PKHD1: variants seen among roughly 807,000 people sequenced by gnomAD.
The protein encoded by PKHD1 is PKHD1 ciliary IPT domain containing fibrocystin/polyductin, also known as fibrocystin.
Under a neutral mutation model 412.0 loss-of-function variants are expected in PKHD1, and 291 were observed. The observed-to-expected ratio is 0.71, with a 90% confidence interval of 0.64 to 0.78. The LOEUF is 0.78. Ranked by LOEUF, PKHD1 falls within the 30% of genes least tolerant of loss-of-function variation. The probability of loss-of-function intolerance (pLI) is 0.00; values close to 1 mark genes in which losing one functional copy is unlikely to be tolerated. For missense variants in PKHD1, 4,825 were observed against 4,950.7 expected (o/e 0.97, Z 0.76); for synonymous variants, 1,777 against 1,821.5 (o/e 0.98, Z 0.62).
chr6:51,832,797 A>T (rs1285798434), intron 51 of PKHD1, among the ~76,000 whole-genome samples: 2 of 152,144 alleles, frequency 1.3e-5, no homozygotes, highest in African/African-American at 4.8e-5. Context: ...TTTTTCTACC[A>T]GACCCAATTC....
intron 37 of PKHD1, among the ~76,000 whole-genome samples, chr6:51,916,134 C>A (rs1783770668): frequency 1.3e-5 from 2 of 152,116 alleles, no homozygotes; most frequent in Admixed American, 6.6e-5. Flanking sequence ...CCTCATGTCT[C>A]CTTTATATAT....
chr6:51,712,006 A>G (rs1780717773), intron 60 of PKHD1, among the ~76,000 whole-genome samples: 1 of 152,210 alleles, frequency 6.6e-6, no homozygotes, highest in Non-Finnish European at 1.5e-5. Flanking sequence ...CAGAGATTGC[A>G]CCACATTATG....
intron 55 of PKHD1, among the ~76,000 whole-genome samples, chr6:51,761,794 G>A (rs1057196584): frequency 6.6e-6 from 1 of 151,928 alleles, no homozygotes; most frequent in Non-Finnish European, 1.5e-5. Context: ...GAGACTGGAT[G>A]TCTTATATAT....
At chr6:52,051,582 C>T (rs1197160439) in intron 21 of PKHD1, among the ~76,000 whole-genome samples, 1 of 152,158 alleles carries the variant, frequency 6.6e-6, no homozygotes, top group Non-Finnish European at 1.5e-5. Flanking sequence ...CTCACCTCAC[C>T]CCTGGATGAT....
intron 13 of PKHD1, among the ~76,000 whole-genome samples, chr6:52,064,429 G>A (rs1158943928): frequency 2.0e-5 from 3 of 152,162 alleles, no homozygotes; most frequent in African/African-American, 7.2e-5. Flanking sequence ...CCCACTTCAG[G>A]CATAACCTGG....
At chr6:51,848,234 T>A (rs1771568817) in intron 49 of PKHD1, among the ~76,000 whole-genome samples, 1 of 152,102 alleles carries the variant, frequency 6.6e-6, no homozygotes, top group South Asian at 2.1e-4. Context: ...TTTAACAATC[T>A]CAATTACCAG....
intron 60 of PKHD1, among the ~76,000 whole-genome samples, chr6:51,712,752 C>T (rs1168327301): frequency 6.6e-6 from 1 of 152,184 alleles, no homozygotes; most frequent in Non-Finnish European, 1.5e-5. Context: ...AGCAAATTGA[C>T]TTCACATCTC....
At chr6:51,648,214 A>G (rs1770382524) in intron 62 of PKHD1, 96 bp from the exon 63 acceptor site, 8 of 750,834 alleles carry the variant, frequency 1.1e-5, no homozygotes, top group Non-Finnish European at 1.7e-5. Flanking sequence ...TTGCTTTTAT[A>G]AAGCATATAT....
intron 43 of PKHD1, among the ~76,000 whole-genome samples, chr6:51,895,827 A>C (rs1779838857): frequency 6.6e-6 from 1 of 152,068 alleles, no homozygotes; most frequent in African/African-American, 2.4e-5. Flanking sequence ...GCACAAGCCG[A>C]AGCAGGGTGA....
intron 35 of PKHD1, among the ~76,000 whole-genome samples, chr6:51,988,503 T>C (rs1025567855): frequency 6.6e-5 from 10 of 152,146 alleles, no homozygotes; most frequent in Non-Finnish European, 8.8e-5. Context: ...TAAACAATCC[T>C]AAGGAAATTT....
chr6:51,698,926 C>T (rs1327976532), intron 60 of PKHD1, among the ~76,000 whole-genome samples: 1 of 152,156 alleles, frequency 6.6e-6, no homozygotes, highest in Admixed American at 6.6e-5. Context: ...AAAAATTATA[C>T]TGTAGCTGAC....
chr6:51,764,243 A>C (rs1205658909), intron 55 of PKHD1, among the ~76,000 whole-genome samples: 1 of 150,208 alleles, frequency 6.7e-6, no homozygotes, highest in Non-Finnish European at 1.5e-5. Context: ...CCAATCAAAA[A>C]GTGGGCGAAA....
chr6:51,860,622 T>TTC (rs1352149698), intron 48 of PKHD1, among the ~76,000 whole-genome samples: 1 of 152,146 alleles, frequency 6.6e-6, no homozygotes, highest in Non-Finnish European at 1.5e-5. Flanking sequence ...CTCCCTGAAC[T>TTC]TCTCATGGCT....
chr6:51,619,231 T>C lies in PKHD1; in HGVS notation c.12075A>G (p.Arg4025=). Residue 4025 remains arginine (R), a synonymous_variant, in exon 67 of 67, where the codon AGA becomes AGG. Coordinates refer to ENST00000371117, the MANE Select transcript of PKHD1 (RefSeq NM_138694.4). Reference sequence around the variant, plus strand: ...GCCCTGGCAACTGCTGCCTCTCTTGTCTGAAGTCTGGGCATAGCAGCAGCA... The same window carrying C: ...GCCCTGGCAACTGCTGCCTCTCTTGCCTGAAGTCTGGGCATAGCAGCAGCA... ...NQLLLLCPDF[R]QERQQLPGQS... 1.2e-6 allele frequency: 2 copies of C among 1,614,278 alleles called. No homozygotes were observed. The highest frequency in any genetic ancestry group is 1.1e-5 in the South Asian group (1 of 91,088).
chr6:51,983,053 C>T (rs543375316), intron 35 of PKHD1, among the ~76,000 whole-genome samples: 4 of 151,904 alleles, frequency 2.6e-5, no homozygotes, highest in South Asian at 2.1e-4. Context: ...TGAAGTGTAC[C>T]GTTAACAAAA....
intron 35 of PKHD1, among the ~76,000 whole-genome samples, chr6:51,990,366 A>G (rs930817638): frequency 6.6e-6 from 1 of 152,108 alleles, no homozygotes; most frequent in Non-Finnish European, 1.5e-5. Context: ...GCCTCTCCCA[A>G]CACTGATAAT....
chr6:51,804,668 T>G (rs1364895121), intron 52 of PKHD1, among the ~76,000 whole-genome samples: 1 of 152,072 alleles, frequency 6.6e-6, no homozygotes, highest in Non-Finnish European at 1.5e-5. Flanking sequence ...AGAGTAACAG[T>G]GAGGGATCAA....
chr6:52,042,350 T>C (rs537283787), intron 27 of PKHD1, among the ~76,000 whole-genome samples: 1 of 152,368 alleles, frequency 6.6e-6, no homozygotes, highest in African/African-American at 2.4e-5. Flanking sequence ...TATGCTCTAA[T>C]GTTTATTCGT....
At chr6:51,807,445 A>C (rs2151373242) in intron 52 of PKHD1, among the ~76,000 whole-genome samples, 1 of 60,066 alleles carries the variant, frequency 1.7e-5, no homozygotes, top group South Asian at 7.6e-4. Flanking sequence ...CTCAAAAAAA[A>C]AAAAAAAAAA....
Sources: gnomAD v4.1 joint callset for allele counts (sites outside exome capture counted in the v4.1 genomes callset) on GRCh38, gnomAD v4.1.1 for gene constraint, MANE v1.5 for transcripts, NCBI Gene and HGNC (gene_info 2026-07-23, HGNC 2026-07-21) for gene names.